The following ELANE variants were observed in gnomAD, a reference collection of about 807,000 sequenced individuals.
The protein encoded by ELANE is neutrophil elastase.
Under a neutral mutation model 20.6 loss-of-function variants are expected in ELANE, and 12 were observed. The observed-to-expected ratio is 0.58, with a 90% confidence interval of 0.37 to 0.94. The LOEUF is 0.94. ELANE is among the 40% of genes least tolerant of loss of function. The pLI is 0.01. For synonymous variants in ELANE, 203 were observed against 177.4 expected, an observed-to-expected ratio of 1.14 and a Z score of -1.15; for missense variants, 388 against 395.2, an observed-to-expected ratio of 0.98 and a Z score of 0.15.
At position 855,101 on chromosome 19, in the gene ELANE, C is replaced by T. The variant is rs2035656569; in HGVS notation, c.367-463C>T. On this transcript the variant is annotated intron_variant, in intron 3 of 4. Transcript: ENST00000263621. This position sits in a 1 kb window ranked among gnomAD's most constrained non-coding sequence, Gnocchi z 6.2. ...ATCTCCTGACCTTTTGATTGGCCCA[C>T]CTCAGCCTCCCAAAATGCTGGGATT... 6.6e-6 allele frequency among the ~76,000 whole-genome samples: 1 copy of T among 152,092 alleles called. No homozygotes were observed. Among genetic ancestry groups the T allele is most frequent in the Non-Finnish European group, 1.5e-5 (1 of 68,030 alleles).
At position 855,734 on chromosome 19, in the gene ELANE, C is replaced by T. The variant is rs776657969; in HGVS notation, c.537C>T (p.Ser179=). The change falls in exon 4 of 5, where the codon TCC becomes TCT. Residue 179 remains serine, a synonymous_variant. Transcript: ENST00000263621. This position sits in a 1 kb window ranked among gnomAD's most constrained non-coding sequence, Gnocchi z 6.2. Reference sequence around the variant, plus strand: ...AGCTCAACGTGACGGTGGTGACGTCCCTCTGCCGTCGCAGCAACGTCTGCA... The same window carrying T: ...AGCTCAACGTGACGGTGGTGACGTCTCTCTGCCGTCGCAGCAACGTCTGCA... ...LQELNVTVVT[S]LCRRSNVCTL... The T allele has an allele frequency of 1.2e-5, 20 of 1,609,592 alleles. No individual in the cohort carries two copies. Among genetic ancestry groups the T allele is most frequent in the Non-Finnish European group, 1.5e-5 (18 of 1,179,950 alleles).
Position 853,262 on chromosome 19 carries a change from A to G in ELANE, c.225A>G (p.Val75=). 6.3e-7 allele frequency: 1 copy of G among 1,597,552 alleles called. No homozygotes were observed. The highest frequency in any genetic ancestry group is 2.3e-5 in the East Asian group (1 of 43,914). Residue 75 remains valine, a splice_region_variant and synonymous_variant, in exon 3 of 5, where the codon GTA becomes GTG. Transcript: ENST00000263621. ...AGCCCCGCCTCTCCCTCCCCGGCAG[A>G]AACGTCCGCGCGGTGCGGGTGGTCC... ...VMSAAHCVAN[V]NVRAVRVVLG... is the part of the protein sequence containing the mutation.
chr19:855,472 G>T lies in ELANE; in HGVS notation c.367-92G>T. 1 of 1,389,224 alleles carries T rather than the reference G, an allele frequency of 7.2e-7. No homozygotes were observed. The highest frequency in any genetic ancestry group is 2.5e-5 in the East Asian group (1 of 40,480). 86.1% of individuals were successfully genotyped at this position (1,389,224 alleles called of 1,614,324 possible). ...CCTGCAGGATCCCAGAACCACAGTG[G>T]AACCTGAGATGGGGAAACTGAGGCC... On this transcript the variant is annotated intron_variant, in intron 3 of 4. Coordinates refer to ENST00000263621, the MANE Select transcript of ELANE (RefSeq NM_001972.4). This position sits in a 1 kb window ranked among gnomAD's most constrained non-coding sequence, Gnocchi z 6.2.
chr19:853,238 G>A, intron 2 of ELANE, 24 bp from the exon 3 acceptor site: 1 of 1,572,144 alleles, frequency 6.4e-7, no homozygotes, highest in African/African-American at 1.4e-5. Flanking sequence ...CCGCCCCTGA[G>A]CCCCGCCTCT....
At position 855,953 on chromosome 19, in the gene ELANE, C is replaced by T. The variant is rs1490850201; in HGVS notation, c.598-5C>T. 2 of 1,613,028 alleles carry T rather than the reference C, an allele frequency of 1.2e-6. No homozygotes were observed. The highest frequency in any genetic ancestry group is 2.7e-5 in the African/African-American group (2 of 74,946). On this transcript the variant is annotated splice_region_variant and splice_polypyrimidine_tract_variant and intron_variant, in intron 4 of 4. Transcript: ENST00000263621. This position sits in a 1 kb window ranked among gnomAD's most constrained non-coding sequence, Gnocchi z 6.2. ...CCAGCTTCCCCACCTTGTCTGCCTC[C>T]ACAGGGGGACTCCGGCAGCCCCTTG... is the stretch of plus-strand genomic sequence containing the variant.
chr19:853,256 C>T lies in ELANE; in HGVS notation c.225-6C>T, dbSNP rs777599059. On this transcript the variant is annotated splice_polypyrimidine_tract_variant and splice_region_variant and intron_variant, in intron 2 of 4. Coordinates refer to ENST00000263621, the MANE Select transcript of ELANE (RefSeq NM_001972.4). ...CCCCTGAGCCCCGCCTCTCCCTCCC[C>T]GGCAGAAACGTCCGCGCGGTGCGGG... 4 of 1,592,638 alleles carry T rather than the reference C, an allele frequency of 2.5e-6. No homozygotes were observed. Among genetic ancestry groups the T allele is most frequent in the Middle Eastern group, 1.7e-4 (1 of 6,022 alleles).
At position 855,852 on chromosome 19, in the gene ELANE, C is replaced by T. The variant is rs2035671469; in HGVS notation, c.597+58C>T. On this transcript the variant is annotated intron_variant, in intron 4 of 4. Coordinates refer to ENST00000263621, the MANE Select transcript of ELANE (RefSeq NM_001972.4). The surrounding 1 kb of genome is among the most constrained non-coding windows in gnomAD (Gnocchi z 6.2). ...CCGCTCCCAGCCCGGACTGCAGCAA[C>T]AGGCACCGTGGCTAGACCCTAGGAG... The T allele has an allele frequency of 5.6e-6, 9 of 1,604,908 alleles. No individual in the cohort carries two copies. Among genetic ancestry groups the T allele is most frequent in the Non-Finnish European group, 5.9e-6 (7 of 1,178,130 alleles).
chr19:855,850 A>T lies in ELANE; in HGVS notation c.597+56A>T, dbSNP rs2035671419. ...ACCCGCTCCCAGCCCGGACTGCAGC[A>T]ACAGGCACCGTGGCTAGACCCTAGG... On this transcript the variant is annotated intron_variant, in intron 4 of 4. Coordinates refer to ENST00000263621, the MANE Select transcript of ELANE (RefSeq NM_001972.4). The surrounding 1 kb of genome is among the most constrained non-coding windows in gnomAD (Gnocchi z 6.2). 6.2e-7 allele frequency: 1 copy of T among 1,604,970 alleles called. No individual in the cohort carries two copies. The highest frequency in any genetic ancestry group is 8.5e-7 in the Non-Finnish European group (1 of 1,178,072).
In ELANE at chr19:855,731, G is replaced by A. The variant is rs1036286591; in HGVS notation, c.534G>A (p.Thr178=). 4 of 1,609,600 alleles carry A rather than the reference G, an allele frequency of 2.5e-6. No individual in the cohort carries two copies. The highest frequency in any genetic ancestry group is 1.3e-5 in the African/African-American group (1 of 74,904). Residue 178 remains threonine (T), a synonymous_variant, in exon 4 of 5, where the codon ACG becomes ACA. Transcript: ENST00000263621. The surrounding 1 kb of genome is among the most constrained non-coding windows in gnomAD (Gnocchi z 6.2). ...VLQELNVTVV[T]SLCRRSNVCT... ...AGGAGCTCAACGTGACGGTGGTGAC[G>A]TCCCTCTGCCGTCGCAGCAACGTCT...
Position 854,809 on chromosome 19 carries a change from T to A in ELANE, c.367-755T>A, listed in dbSNP as rs1193656644. 2.7e-5 allele frequency among the ~76,000 whole-genome samples: 4 copies of A among 146,568 alleles called. No homozygotes were observed. In the Admixed American group the frequency reaches 2.8e-4, roughly 10 times the overall value. ...ATTTTATAAAATAATAAATATAAAA[T>A]ATATAAAAATATTTTTATAAAATAA... On this transcript the variant is annotated intron_variant, in intron 3 of 4. Coordinates refer to ENST00000263621, the MANE Select transcript of ELANE (RefSeq NM_001972.4).
In ELANE at chr19:856,075, G is replaced by A; in HGVS notation, c.715G>A (p.Val239Ile). Residue 239 changes from valine to isoleucine, a missense_variant, in exon 5 of 5, where the codon GTA (valine) becomes ATA (isoleucine). By Grantham distance (29) the Val-to-Ile change is conservative. Around this residue, in one of 3 missense-constraint regions of ELANE, gnomAD observed 321 missense variants for 309.8 expected, o/e 1.04. Transcript: ENST00000263621. ...PDAFAPVAQF[V>I]NWIDSIIQRS... ...TGCCTTTGCCCCGGTGGCACAGTTT[G>A]TAAACTGGATCGACTCTATCATCCA... 1 of 1,612,842 alleles carries A rather than the reference G, an allele frequency of 6.2e-7. No individual in the cohort carries two copies. Among genetic ancestry groups the A allele is most frequent in the Middle Eastern group, 1.6e-4 (1 of 6,062 alleles).
In ELANE at chr19:853,095, G is replaced by C. The variant is rs898405453; in HGVS notation, c.224+63G>C. ...CGCGTCCCGGTCTGTGAGGTGGGTGGGGGGAGGCCGGGGCCGGGGCTGCTG... is the reference window on the plus strand; with the variant it reads ...CGCGTCCCGGTCTGTGAGGTGGGTGCGGGGAGGCCGGGGCCGGGGCTGCTG... On this transcript the variant is annotated intron_variant, in intron 2 of 4. Coordinates refer to ENST00000263621, the MANE Select transcript of ELANE (RefSeq NM_001972.4). The C allele has an allele frequency of 2.2e-5, 33 of 1,516,696 alleles. No individual in the cohort carries two copies. In the African/African-American group the frequency reaches 3.8e-4, roughly 17 times the overall value. The allele number at this position is 1,516,696 out of a possible 1,614,324, so 94.0% of individuals were successfully genotyped here.
rs759382746 is a variant in ELANE, at chr19:855,684, C to G, written c.487C>G (p.Arg163Gly). 1 of 1,609,202 alleles carries G rather than the reference C, an allele frequency of 6.2e-7. No homozygotes were observed. Among genetic ancestry groups the G allele is most frequent in the Admixed American group, 1.7e-5 (1 of 59,996 alleles). ...AMGWGLLGRN[R>G]GIASVLQELN... ...GGGCTGGGGCCTTCTGGGCAGGAACCGTGGGATCGCCAGCGTCCTGCAGGA... is the reference window on the plus strand; with the variant it reads ...GGGCTGGGGCCTTCTGGGCAGGAACGGTGGGATCGCCAGCGTCCTGCAGGA... The change falls in exon 4 of 5, where the codon CGT becomes GGT. Residue 163 changes from arginine to glycine, a missense_variant. By Grantham distance (125) the Arg-to-Gly change is moderately radical. Coordinates refer to ENST00000263621, the MANE Select transcript of ELANE (RefSeq NM_001972.4). This position sits in a 1 kb window ranked among gnomAD's most constrained non-coding sequence, Gnocchi z 6.2.
In ELANE at chr19:852,883, G is replaced by T; in HGVS notation, c.75G>T (p.Ala25=). Residue 25 remains alanine, a synonymous_variant, in exon 2 of 5, where the codon GCG becomes GCT. Transcript: ENST00000263621. Reference sequence around the variant, plus strand: ...CACCCGGTGTGTCCCCAGGCACCGCGCTGGCCTCGGAGATTGTGGGGGGCC... The same window carrying T: ...CACCCGGTGTGTCCCCAGGCACCGCTCTGGCCTCGGAGATTGTGGGGGGCC... ...VLPALLLGGT[A]LASEIVGGRR... is the part of the protein sequence containing the mutation. The T allele has an allele frequency of 6.3e-7, 1 of 1,595,676 alleles. No individual in the cohort carries two copies.
chr19:855,687 G>C lies in ELANE; in HGVS notation c.490G>C (p.Gly164Arg), dbSNP rs112990855. 3.8e-4 allele frequency: 604 copies of C among 1,609,354 alleles called. 1 individual carries two copies. The highest frequency in any genetic ancestry group is 4.8e-4 in the Non-Finnish European group (567 of 1,179,938). ...MGWGLLGRNR[G>R]IASVLQELNV... ...CTGGGGCCTTCTGGGCAGGAACCGTGGGATCGCCAGCGTCCTGCAGGAGCT... is the reference window on the plus strand; with the variant it reads ...CTGGGGCCTTCTGGGCAGGAACCGTCGGATCGCCAGCGTCCTGCAGGAGCT... The change falls in exon 4 of 5, where the codon GGG becomes CGG. Residue 164 changes from glycine (G) to arginine (R), a missense_variant. Gly to Arg is a moderately radical substitution (Grantham distance 125). Transcript: ENST00000263621. This position sits in a 1 kb window ranked among gnomAD's most constrained non-coding sequence, Gnocchi z 6.2.
At chr19:854,283 A>G (rs1383330608) in intron 3 of ELANE, among the ~76,000 whole-genome samples, 2 of 151,828 alleles carry the variant, frequency 1.3e-5, no homozygotes, top group Non-Finnish European at 2.9e-5. Flanking sequence ...CTCTACTAAA[A>G]TACAAAAAAA....
chr19:854,558 C>G (rs1396439085), intron 3 of ELANE, among the ~76,000 whole-genome samples: 2 of 151,276 alleles, frequency 1.3e-5, no homozygotes, highest in African/African-American at 4.9e-5. Flanking sequence ...ATCTCCTGGG[C>G]TCAAGCCACC....
Position 853,280 on chromosome 19 carries a change from G to A in ELANE, c.243G>A (p.Arg81=). The A allele has an allele frequency of 6.2e-7, 1 of 1,606,700 alleles. No homozygotes were observed. The highest frequency in any genetic ancestry group is 8.5e-7 in the Non-Finnish European group (1 of 1,177,202). Residue 81 remains arginine, a synonymous_variant, in exon 3 of 5, where the codon CGG becomes CGA. Transcript: ENST00000263621. Reference sequence around the variant, plus strand: ...CCGGCAGAAACGTCCGCGCGGTGCGGGTGGTCCTGGGAGCCCATAACCTCT... The same window carrying A: ...CCGGCAGAAACGTCCGCGCGGTGCGAGTGGTCCTGGGAGCCCATAACCTCT... ...CVANVNVRAV[R]VVLGAHNLSR... is the part of the protein sequence containing the mutation.
Position 855,421 on chromosome 19 carries a change from A to T in ELANE, c.367-143A>T. The T allele has an allele frequency of 1.1e-6, 1 of 914,244 alleles. No homozygotes were observed. The highest frequency in any genetic ancestry group is 1.6e-5 in the African/African-American group (1 of 60,902). The allele number at this position is 914,244 out of a possible 1,614,324, so 56.6% of individuals were successfully genotyped here. A position where few individuals can be genotyped will look rare whatever the true frequency, so the allele number is the denominator to read the frequency against. Reference sequence around the variant, plus strand: ...GGGGAAACCGAGGCTTGCCTTGGGGAGCAGAGTGTGGGGTGGGTATCCTGC... The same window carrying T: ...GGGGAAACCGAGGCTTGCCTTGGGGTGCAGAGTGTGGGGTGGGTATCCTGC... On this transcript the variant is annotated intron_variant, in intron 3 of 4. Transcript: ENST00000263621. This position sits in a 1 kb window ranked among gnomAD's most constrained non-coding sequence, Gnocchi z 6.2.
Sources: allele counts gnomAD v4.1 joint callset (sites outside exome capture counted in the v4.1 genomes callset), GRCh38; gene constraint gnomAD v4.1.1; regional missense constraint gnomAD v4.1.1; non-coding constraint Gnocchi (gnomAD v3.1); transcripts MANE v1.5; gene names NCBI Gene and HGNC (gene_info 2026-07-23, HGNC 2026-07-21).